The following PDE1A variants were observed in gnomAD, a reference collection of about 807,000 sequenced individuals.
PDE1A encodes the protein dual specificity calcium/calmodulin-dependent 3',5'-cyclic nucleotide phosphodiesterase 1A.
Under a neutral mutation model 61.7 loss-of-function variants are expected in PDE1A, and 35 were observed. The observed-to-expected ratio is 0.57, with a 90% CI of 0.43 to 0.75. The LOEUF (loss-of-function observed/expected upper bound fraction) is 0.75. PDE1A is among the 30% of genes least tolerant of loss of function. The probability of loss-of-function intolerance (pLI) is 0.00; values close to 1 mark genes in which losing one functional copy is unlikely to be tolerated. For missense variants in PDE1A, 597 were observed against 630.6 expected, an observed-to-expected ratio of 0.95 and a Z score of 0.57; for synonymous variants, 232 against 213.2, an observed-to-expected ratio of 1.09 and a Z score of -0.77.
intron 1 of PDE1A, among the ~76,000 whole-genome samples, chr2:182,335,057 T>A (rs1697699982): frequency 6.6e-6 from 1 of 152,110 alleles, no homozygotes; most frequent in Non-Finnish European, 1.5e-5. Context: ...TAACTAAGAA[T>A]ACAGCTTATA....
chr2:182,682,210 A>G, the PDE1A span, among the ~76,000 whole-genome samples: 7 of 152,200 alleles, frequency 4.6e-5, no homozygotes, highest in African/African-American at 1.4e-4. Context: ...TGCTTGCCAC[A>G]CAGAAGGCCA....
chr2:182,369,722 T>C (rs972173807), intron 1 of PDE1A, among the ~76,000 whole-genome samples: 7 of 151,664 alleles, frequency 4.6e-5, no homozygotes, highest in East Asian at 1.9e-4. Context: ...AGGAGGTCCA[T>C]TGATATGGTG....
Position 182,426,444 on chromosome 2 carries a change from A to G in PDE1A, c.53+134T>C, listed in dbSNP as rs562322402. The G allele has an allele frequency of 3.0e-5, 19 of 625,260 alleles. No homozygotes were observed. In the Middle Eastern group the frequency reaches 8.0e-4, roughly 26 times the overall value. 38.7% of individuals were successfully genotyped at this position (625,260 alleles called of 1,614,324 possible). The stretch of plus-strand genomic sequence containing the variant: ...CAGAAAACAAAAAGGCTCCCTCAGT[A>G]TGCCTGAAGTTAAACTTTAAGCACT... On this transcript the variant is annotated intron_variant, in intron 1 of 13. Coordinates refer to ENST00000351439, the Ensembl canonical transcript of PDE1A.
the PDE1A span, among the ~76,000 whole-genome samples, chr2:182,533,289 T>C: frequency 2.6e-5 from 4 of 152,110 alleles, no homozygotes; most frequent in Middle Eastern, 6.3e-3. Context: ...CCAGCCTGGG[T>C]GACAGAGCGA....
At chr2:182,161,090 G>A (rs1691353206) in intron 13 of PDE1A, among the ~76,000 whole-genome samples, 1 of 152,178 alleles carries the variant, frequency 6.6e-6, no homozygotes, top group African/African-American at 2.4e-5. Context: ...TTAGTTGGGT[G>A]CTCTTAATAT....
chr2:182,140,788 T>C (rs369938600), exon 15 of PDE1A: 33 of 152,102 alleles, frequency 2.2e-4, no homozygotes, highest in African/African-American at 8.0e-4. Context: ...TACTAATTAG[T>C]GCTCAGTAGT....
intron 7 of PDE1A, among the ~76,000 whole-genome samples, chr2:182,222,992 C>T (rs192832629): frequency 4.6e-5 from 7 of 152,066 alleles, no homozygotes; most frequent in East Asian, 1.9e-4. Context: ...ATTGTGTCTG[C>T]CCTAAAATTC....
chr2:182,529,389 T>C, the PDE1A span, among the ~76,000 whole-genome samples: 1 of 152,234 alleles, frequency 6.6e-6, no homozygotes, highest in East Asian at 1.9e-4. Flanking sequence ...TTGGAACAGT[T>C]ATATTTACCC....
intron 1 of PDE1A, among the ~76,000 whole-genome samples, chr2:182,272,451 C>G (rs1050991475): frequency 2.0e-5 from 3 of 152,196 alleles, no homozygotes; most frequent in African/African-American, 7.2e-5. Flanking sequence ...CAGCCAAACT[C>G]TCAATCTAGT....
At chr2:182,471,877 T>C (rs1687051100) in intron 2 of PDE1A, among the ~76,000 whole-genome samples, 1 of 151,696 alleles carries the variant, frequency 6.6e-6, no homozygotes, top group Admixed American at 6.6e-5. Context: ...AATTCCCAAA[T>C]AATCCCATTT....
At chr2:182,610,446 G>A in the PDE1A span, among the ~76,000 whole-genome samples, 12 of 152,074 alleles carry the variant, frequency 7.9e-5, no homozygotes, top group Non-Finnish European at 1.8e-4. Flanking sequence ...GCTCTCTGCG[G>A]TTGAGGCAAT....
intron 3 of PDE1A, among the ~76,000 whole-genome samples, chr2:182,234,712 G>A (rs1409290828): frequency 2.0e-5 from 3 of 152,044 alleles, no homozygotes; most frequent in African/African-American, 7.2e-5. Flanking sequence ...CAATCACCCT[G>A]CAAAATTAAT....
At chr2:182,525,337 T>C (rs1472341714), upstream of PDE1A, among the ~76,000 whole-genome samples, 2 of 152,226 alleles carry the variant, frequency 1.3e-5, no homozygotes, top group Admixed American at 6.5e-5. Flanking sequence ...ATTGCTGGTG[T>C]TCCTTTTGTT....
intron 2 of PDE1A, among the ~76,000 whole-genome samples, chr2:182,256,192 G>C (rs10170443): frequency 7.2e-6 from 1 of 138,436 alleles, no homozygotes; most frequent in South Asian, 2.4e-4. Flanking sequence ...CCACTAACTC[G>C]TCATCTAGCA....
the PDE1A span, among the ~76,000 whole-genome samples, chr2:182,652,325 T>C: frequency 4.6e-5 from 7 of 152,162 alleles, no homozygotes; most frequent in Admixed American, 1.3e-4. Flanking sequence ...AGAGAAATTT[T>C]TCCCTCCCAG....
chr2:182,410,157 G>C (rs1334173919), intron 1 of PDE1A, among the ~76,000 whole-genome samples: 2 of 152,092 alleles, frequency 1.3e-5, no homozygotes, highest in South Asian at 4.2e-4. Context: ...TTCAAGAACA[G>C]TTTGGGCAAC....
intron 1 of PDE1A, chr2:182,522,558 C>G: frequency 7.1e-7 from 1 of 1,406,260 alleles, no homozygotes; most frequent in South Asian, 1.6e-5. Flanking sequence ...AGGCATATAT[C>G]CACTGCTCAC....
At chr2:182,519,475 A>G (rs555839594) in intron 2 of PDE1A, among the ~76,000 whole-genome samples, 2 of 151,992 alleles carry the variant, frequency 1.3e-5, no homozygotes, top group Admixed American at 1.3e-4. Flanking sequence ...AATGCAGAGA[A>G]GTCTACATCA....
chr2:182,522,756 T>G, upstream of PDE1A: 1 of 751,900 alleles, frequency 1.3e-6, no homozygotes, highest in Non-Finnish European at 1.6e-6. Context: ...TTACGAGCTC[T>G]ATTATGCACA....
Sources: allele counts gnomAD v4.1 joint callset (sites outside exome capture counted in the v4.1 genomes callset), GRCh38; gene constraint gnomAD v4.1.1; transcripts MANE v1.5; gene names NCBI Gene and HGNC (gene_info 2026-07-23, HGNC 2026-07-21).